The following ATP8A2 variants were observed in gnomAD, a reference collection of about 807,000 sequenced individuals.
The protein encoded by ATP8A2 is phospholipid-transporting ATPase IB.
In ATP8A2, 100 loss-of-function variants were observed where a neutral mutation model predicts 165.6. The ratio of observed to expected loss-of-function variants is 0.60; its 90% CI spans 0.51 to 0.71. The LOEUF (loss-of-function observed/expected upper bound fraction) is 0.71, where lower values mean the gene tolerates loss of function less well. Among genes scored for constraint, ATP8A2 ranks in the 30% least tolerant of loss-of-function variants. The pLI, the probability that ATP8A2 is intolerant of heterozygous loss-of-function variation, is 0.00. For missense variants in ATP8A2, 1,227 were observed against 1,479.5 expected (o/e 0.83, Z 2.80); for synonymous variants, 543 against 548.8 (o/e 0.99, Z 0.15).
intron 1 of ATP8A2, among the ~76,000 whole-genome samples, chr13:25,412,207 A>C (rs896616762): frequency 6.6e-6 from 1 of 152,128 alleles, no homozygotes; most frequent in African/African-American, 2.4e-5. Flanking sequence ...GAACAACTCT[A>C]TATAGGGATG....
In ATP8A2 at chr13:25,482,825, G is replaced by A. The variant is rs113524123; in HGVS notation, c.221+13704G>A. On this transcript the variant is annotated intron_variant, in intron 2 of 36. Transcript: ENST00000381655. ...TTGCCTGCTGCCGTCCATGTAAGAC[G>A]GGACTTGCTCCTCCTTGCCTTCCAC... 5.0e-3 allele frequency among the ~76,000 whole-genome samples: 762 copies of A among 152,284 alleles called. 5 individuals are homozygous for A. The highest frequency in any genetic ancestry group is 0.018 in the African/African-American group (735 of 41,550).
intron 33 of ATP8A2, among the ~76,000 whole-genome samples, chr13:25,879,861 A>G (rs759284452): frequency 6.6e-6 from 1 of 152,218 alleles, no homozygotes; most frequent in Non-Finnish European, 1.5e-5. Flanking sequence ...TTTCTTGAAT[A>G]TCTTCTCCCA....
rs781169885 is a variant in ATP8A2, at chr13:25,540,366, A to G, written c.629A>G (p.Glu210Gly). 2 of 1,613,690 alleles carry G rather than the reference A, an allele frequency of 1.2e-6. No homozygotes were observed. The highest frequency in any genetic ancestry group is 2.2e-5 in the South Asian group (2 of 91,078). ...GTTGAAACAGCTAATCTGGATGGGGAGACGAACCTTAAAATACGTCAGGTA... is the reference window on the plus strand; with the variant it reads ...GTTGAAACAGCTAATCTGGATGGGGGGACGAACCTTAAAATACGTCAGGTA... The part of the protein sequence containing the change: ...CYVETANLDG[E>G]TNLKIRQGLS... Residue 210 changes from glutamate (E) to glycine (G), a missense_variant, in exon 8 of 37, where the codon GAG (glutamate) becomes GGG (glycine). Physicochemically the swap from Glu to Gly is moderately conservative, Grantham distance 98 (BLOSUM62 -2). Around this residue, in one of 5 missense-constraint regions of ATP8A2, gnomAD observed 356 missense variants for 394.9 expected, o/e 0.90. Coordinates refer to ENST00000381655, the MANE Select transcript of ATP8A2 (RefSeq NM_016529.6).
At chr13:25,568,445 G>A (rs1232873334) in intron 16 of ATP8A2, among the ~76,000 whole-genome samples, 3 of 152,142 alleles carry the variant, frequency 2.0e-5, no homozygotes, top group East Asian at 3.9e-4. Flanking sequence ...TAAATTCACC[G>A]AATAAGTAGA....
intron 2 of ATP8A2, among the ~76,000 whole-genome samples, chr13:25,495,375 G>A (rs779535817): frequency 2.0e-5 from 3 of 152,116 alleles, no homozygotes; most frequent in Admixed American, 6.5e-5. Flanking sequence ...TTGTGTGGGC[G>A]AGAGCTGGAA....
At chr13:25,422,327 C>G (rs565893507) in intron 1 of ATP8A2, among the ~76,000 whole-genome samples, 2 of 152,116 alleles carry the variant, frequency 1.3e-5, no homozygotes, top group Admixed American at 6.5e-5. Flanking sequence ...AAAGCATTGA[C>G]CTGTTTGTAA....
intron 27 of ATP8A2, among the ~76,000 whole-genome samples, chr13:25,792,729 A>G (rs994853569): frequency 6.6e-6 from 1 of 151,780 alleles, no homozygotes; most frequent in Non-Finnish European, 1.5e-5. Flanking sequence ...TTGGCAACAA[A>G]GTGAGACCTC....
At chr13:25,545,559 C>A (rs1303635118) in intron 10 of ATP8A2, among the ~76,000 whole-genome samples, 1 of 152,134 alleles carries the variant, frequency 6.6e-6, no homozygotes, top group Non-Finnish European at 1.5e-5. Context: ...CTTTAACTCC[C>A]ATAGTGCAGT....
chr13:25,653,989 A>C (rs556261236), intron 24 of ATP8A2, among the ~76,000 whole-genome samples: 8 of 152,276 alleles, frequency 5.3e-5, no homozygotes, highest in East Asian at 3.9e-4. Context: ...CTTGGGAAGA[A>C]AGGTGAGGGA....
intron 24 of ATP8A2, among the ~76,000 whole-genome samples, chr13:25,612,808 G>T (rs2040722562): frequency 6.6e-6 from 1 of 152,028 alleles, no homozygotes; most frequent in South Asian, 2.1e-4. Context: ...TTATAAATTT[G>T]GGAGCTCCAG....
chr13:25,647,546 T>C (rs77604630), intron 24 of ATP8A2, among the ~76,000 whole-genome samples: 4,478 of 152,278 alleles, frequency 0.029, 123 homozygotes, highest in East Asian at 0.13. Flanking sequence ...TTGATTTAGA[T>C]AGTTTGATTA....
chr13:25,566,877 A>G (rs973047639), intron 16 of ATP8A2, among the ~76,000 whole-genome samples: 1 of 152,226 alleles, frequency 6.6e-6, no homozygotes, highest in Admixed American at 6.5e-5. Flanking sequence ...AAGCCAGTGT[A>G]TGCTTTTGCA....
intron 2 of ATP8A2, among the ~76,000 whole-genome samples, chr13:25,524,932 T>TTCCG (rs2037794028): frequency 7.6e-6 from 1 of 131,808 alleles, no homozygotes; most frequent in African/African-American, 2.6e-5. Flanking sequence ...CCTTCCTTCC[T>TTCCG]TCCTTCTTTC....
At chr13:25,684,289 C>T (rs1396554227) in intron 24 of ATP8A2, among the ~76,000 whole-genome samples, 2 of 152,196 alleles carry the variant, frequency 1.3e-5, no homozygotes, top group African/African-American at 4.8e-5. Flanking sequence ...TTTGCTCCTG[C>T]GTTTCCTTTA....
At chr13:25,481,223 C>T (rs116030659) in intron 2 of ATP8A2, among the ~76,000 whole-genome samples, 2,106 of 151,942 alleles carry the variant, frequency 0.014, 37 homozygotes, top group African/African-American at 0.042. Flanking sequence ...GGGACAGGGA[C>T]AGGGACAGGA....
intron 1 of ATP8A2, among the ~76,000 whole-genome samples, chr13:25,433,767 T>A (rs971158622): frequency 6.6e-6 from 1 of 152,124 alleles, no homozygotes; most frequent in Non-Finnish European, 1.5e-5. Context: ...GGAAATGTGG[T>A]ATTTATACAC....
intron 27 of ATP8A2, among the ~76,000 whole-genome samples, chr13:25,802,615 G>A (rs1213350927): frequency 6.6e-6 from 1 of 152,176 alleles, no homozygotes; most frequent in Non-Finnish European, 1.5e-5. Context: ...TTATCAGTAT[G>A]TGTATCAGTT....
chr13:25,606,330 A>T (rs957074332), intron 24 of ATP8A2, among the ~76,000 whole-genome samples: 1 of 152,196 alleles, frequency 6.6e-6, no homozygotes, highest in Non-Finnish European at 1.5e-5. Flanking sequence ...TGTTTGAATG[A>T]TTATTTTCTT....
intron 27 of ATP8A2, among the ~76,000 whole-genome samples, chr13:25,797,285 G>A (rs1236039013): frequency 6.6e-6 from 1 of 151,860 alleles, no homozygotes; most frequent in African/African-American, 2.4e-5. Context: ...TAAATAAATA[G>A]CTAAAACAGT....
Sources: gnomAD v4.1 joint callset for allele counts (sites outside exome capture counted in the v4.1 genomes callset) on GRCh38, gnomAD v4.1.1 for gene constraint, gnomAD v4.1.1 regional missense constraint, MANE v1.5 for transcripts, NCBI Gene and HGNC (gene_info 2026-07-23, HGNC 2026-07-21) for gene names.